Variants in PTK7 observed in about 807,000 individuals in gnomAD.
The protein encoded by PTK7 is protein tyrosine kinase 7 (inactive).
A neutral mutation model predicts 116.6 loss-of-function variants in PTK7; 39 were observed. That is an observed-to-expected ratio of 0.33 (90% CI 0.26 to 0.44). The LOEUF (loss-of-function observed/expected upper bound fraction) is 0.44, where lower values mean the gene tolerates loss of function less well. PTK7 is among the 20% of genes least tolerant of loss of function. The pLI is 1.00. For missense variants in PTK7, 1,169 were observed against 1,425.6 expected (o/e 0.82, Z 2.90); for synonymous variants, 546 against 563.6 (o/e 0.97, Z 0.44).
At chr6:43,128,935 CA>C (rs760518081) in intron 1 of PTK7, 41 bp from the exon 2 acceptor site, 2 of 1,559,686 alleles carry the variant, frequency 1.3e-6, no homozygotes, top group Non-Finnish European at 1.7e-6. Context: ...ACAGAGGCTG[CA>C]GCTCCCCCTG....
Position 43,143,347 on chromosome 6 carries a change from G to GACTC in PTK7, c.2048-70_2048-69insACTC. ...AGTTGCCCTGTTGATGGGGTTGGGAGGAGTTAGTAGAGAAGCAGGGCTTCT... is the reference window on the plus strand; with the variant it reads ...AGTTGCCCTGTTGATGGGGTTGGGAGACTCGAGTTAGTAGAGAAGCAGGGCTTCT... On this transcript the variant is annotated intron_variant, in intron 13 of 19. Coordinates refer to ENST00000230419, the MANE Select transcript of PTK7 (RefSeq NM_002821.5). This position sits in a 1 kb window ranked among gnomAD's most constrained non-coding sequence, Gnocchi z 4.2. 1 of 1,480,568 alleles carries GACTC rather than the reference G, an allele frequency of 6.8e-7. No individual in the cohort carries two copies. The highest frequency in any genetic ancestry group is 9.3e-7 in the Non-Finnish European group (1 of 1,078,122). 91.7% of individuals were successfully genotyped at this position (1,480,568 alleles called of 1,614,324 possible).
At chr6:43,115,686 A>C (rs1582123095) in intron 1 of PTK7, among the ~76,000 whole-genome samples, 1 of 151,972 alleles carries the variant, frequency 6.6e-6, no homozygotes, top group African/African-American at 2.4e-5. Flanking sequence ...CTATAATCCC[A>C]GCACTTTGGG....
At position 43,158,809 on chromosome 6, in the gene PTK7, C is replaced by G. The variant is rs1771666131; in HGVS notation, c.2722-8C>G. On this transcript the variant is annotated splice_polypyrimidine_tract_variant and splice_region_variant and intron_variant, in intron 17 of 19. Transcript: ENST00000230419. ...GGGCTGCTCTAACAGGCCCCTTTAT[C>G]TCTCCAGGTGGCCCTATGCACCCAG... 6.2e-7 allele frequency: 1 copy of G among 1,613,144 alleles called. No homozygotes were observed. The highest frequency in any genetic ancestry group is 1.3e-5 in the African/African-American group (1 of 74,920).
intron 1 of PTK7, among the ~76,000 whole-genome samples, chr6:43,100,154 C>T (rs574736916): frequency 1.3e-4 from 20 of 152,108 alleles, no homozygotes; most frequent in African/African-American, 4.1e-4. Flanking sequence ...GAGGCTGAGA[C>T]GGGCGGATCA....
intron 1 of PTK7, among the ~76,000 whole-genome samples, chr6:43,086,347 C>T (rs1374248827): frequency 6.6e-6 from 1 of 151,924 alleles, no homozygotes; most frequent in Non-Finnish European, 1.5e-5. Flanking sequence ...GTGGGCTCTC[C>T]CTGGGGGTGG....
chr6:43,133,932 T>C (rs6941837), intron 7 of PTK7, among the ~76,000 whole-genome samples: 94,947 of 152,192 alleles, frequency 0.62, 31,767 homozygotes, highest in African/African-American at 0.87. Flanking sequence ...TCACAGCACA[T>C]GTGTAACGAG....
chr6:43,116,604 T>TTGTGTGTGTGTGTGTGTG (rs751605217), intron 1 of PTK7, among the ~76,000 whole-genome samples: 2 of 119,086 alleles, frequency 1.7e-5, no homozygotes, highest in African/African-American at 7.0e-5. Context: ...AAAAGCTGGT[T>TTGTGTGTGTGTGTGTGTG]TGTGTGTGTG....
At chr6:43,090,722 C>T (rs1766898792) in intron 1 of PTK7, among the ~76,000 whole-genome samples, 1 of 152,268 alleles carries the variant, frequency 6.6e-6, no homozygotes, top group Admixed American at 6.5e-5. Context: ...CCTTGTCCCT[C>T]CCGCTTGGTT....
chr6:43,157,054 T>C (rs915858718), intron 17 of PTK7, among the ~76,000 whole-genome samples: 1 of 151,158 alleles, frequency 6.6e-6, no homozygotes, highest in Non-Finnish European at 1.5e-5. Context: ...AGTGGTAAAC[T>C]ACAAAGAACA....
At chr6:43,106,928 T>A (rs1342039874) in intron 1 of PTK7, among the ~76,000 whole-genome samples, 2 of 46,876 alleles carry the variant, frequency 4.3e-5, no homozygotes, top group African/African-American at 2.4e-4. Flanking sequence ...TTCCCTGAAT[T>A]TTTTTTTTTT....
chr6:43,144,674 A>G (rs72664263), intron 15 of PTK7, 68 bp downstream of exon 15: 126,471 of 1,535,024 alleles, frequency 0.082, 8,999 homozygotes, highest in East Asian at 0.35. Context: ...GAGGCTGGGT[A>G]CGGGCTAGTG....
chr6:43,154,287 G>A (rs1771291353), intron 17 of PTK7, among the ~76,000 whole-genome samples: 1 of 151,938 alleles, frequency 6.6e-6, no homozygotes, highest in African/African-American at 2.4e-5. Context: ...AGTGAACTGT[G>A]ATTGCACCAC....
At chr6:43,099,555 A>C (rs1767450676) in intron 1 of PTK7, among the ~76,000 whole-genome samples, 2 of 152,160 alleles carry the variant, frequency 1.3e-5, no homozygotes, top group South Asian at 4.1e-4. Flanking sequence ...CTAGGTACCC[A>C]GTAGGTACTA....
intron 7 of PTK7, among the ~76,000 whole-genome samples, chr6:43,134,302 G>A (rs1385955445): frequency 3.3e-5 from 5 of 152,136 alleles, no homozygotes; most frequent in African/African-American, 1.2e-4. Flanking sequence ...GCCTCCTAAA[G>A]TGCTGGGATT....
At chr6:43,121,427 T>C (rs1457763119) in intron 1 of PTK7, among the ~76,000 whole-genome samples, 4 of 152,216 alleles carry the variant, frequency 2.6e-5, no homozygotes, top group Non-Finnish European at 5.9e-5. Context: ...AGTCCCAGGA[T>C]AGGAAAACTC....
At chr6:43,157,040 T>C (rs1044580459) in intron 17 of PTK7, among the ~76,000 whole-genome samples, 6 of 151,280 alleles carry the variant, frequency 4.0e-5, no homozygotes, top group Non-Finnish European at 8.8e-5. Context: ...TCTAGGAACA[T>C]GTAAGTGGTA....
intron 1 of PTK7, among the ~76,000 whole-genome samples, chr6:43,109,079 T>C (rs1582108740): frequency 6.6e-6 from 1 of 152,244 alleles, no homozygotes; most frequent in South Asian, 2.1e-4. Context: ...TAAGCATCAC[T>C]GTACACTTAC....
chr6:43,147,342 C>T (rs1035092531), intron 17 of PTK7, among the ~76,000 whole-genome samples: 3 of 152,188 alleles, frequency 2.0e-5, no homozygotes, highest in Non-Finnish European at 2.9e-5. Flanking sequence ...TGCCTGCTAC[C>T]CCCTGCCACC....
intron 1 of PTK7, among the ~76,000 whole-genome samples, chr6:43,077,609 G>A (rs1036907084): frequency 6.6e-5 from 10 of 152,094 alleles, no homozygotes; most frequent in Non-Finnish European, 1.2e-4. Flanking sequence ...GCCCGGACTG[G>A]AAATAAAGCC....
Sources: allele counts gnomAD v4.1 joint callset (sites outside exome capture counted in the v4.1 genomes callset), GRCh38; gene constraint gnomAD v4.1.1; non-coding constraint Gnocchi (gnomAD v3.1); transcripts MANE v1.5; gene names NCBI Gene and HGNC (gene_info 2026-07-23, HGNC 2026-07-21).